The following C12orf56 variants were observed in gnomAD, a reference collection of about 807,000 sequenced individuals.
The protein encoded by C12orf56 is chromosome 12 open reading frame 56.
A neutral mutation model predicts 69.9 loss-of-function variants in C12orf56; 71 were observed. The ratio of observed to expected loss-of-function variants is 1.02; its 90% confidence interval spans 0.84 to 1.24. The LOEUF is 1.24. Among genes scored for constraint, C12orf56 ranks in the 50% most tolerant of loss-of-function variants. The pLI, the probability that C12orf56 is intolerant of heterozygous loss-of-function variation, is 0.00. For missense variants in C12orf56, 732 were observed against 738.5 expected, an observed-to-expected ratio of 0.99 and a Z score of 0.10; for synonymous variants, 276 against 274.1, an observed-to-expected ratio of 1.01 and a Z score of -0.07.
chr12:64,298,613 C>T (rs1592430806), intron 6 of C12orf56, among the ~76,000 whole-genome samples: 1 of 152,146 alleles, frequency 6.6e-6, no homozygotes, highest in Non-Finnish European at 1.5e-5. Context: ...AGCCAGTTTT[C>T]CCAGCACCAT....
chr12:64,378,053 A>T lies in C12orf56; in HGVS notation c.252+12261T>A, dbSNP rs558726800. Among the ~76,000 whole-genome samples, 8 of 152,352 alleles carry T rather than the reference A, an allele frequency of 5.3e-5. No individual in the cohort carries two copies. The East Asian group carries it at 1.2e-3, about 22-fold the overall frequency. On this transcript the variant is annotated intron_variant, in intron 1 of 12. Coordinates refer to ENST00000543942, the MANE Select transcript of C12orf56 (RefSeq NM_001170633.2). Reference sequence around the variant, plus strand: ...AGCTAAGAATATTATCTGAGTTGTTATGAGGATGAAGTTCCAAGCTAAGCA... The same window carrying T: ...AGCTAAGAATATTATCTGAGTTGTTTTGAGGATGAAGTTCCAAGCTAAGCA...
intron 12 of C12orf56, 61 bp from the exon 13 acceptor site, chr12:64,267,349 C>A: frequency 7.9e-7 from 1 of 1,261,614 alleles, no homozygotes; most frequent in South Asian, 1.3e-5. Context: ...TCACATTGGT[C>A]ACTTGAGTAC....
chr12:64,267,279 AATAAAGTACCT>A lies in C12orf56; in HGVS notation c.1764-2_1772del. Reference sequence around the variant, plus strand: ...GCCTTTTCTGCAAGGCTGGCATGTGAATAAAGTACCTGCAAATCATAAAAAGAAACAAAATA... The same window carrying A: ...GCCTTTTCTGCAAGGCTGGCATGTGAGCAAATCATAAAAAGAAACAAAATA... On this transcript the variant is annotated splice_acceptor_variant and coding_sequence_variant, in exon 13 of 13. Transcript: ENST00000543942. LOFTEE classifies it high-confidence loss of function. 1 of 1,608,118 alleles carries A rather than the reference AATAAAGTACCT, an allele frequency of 6.2e-7. No individual in the cohort carries two copies. Among genetic ancestry groups the A allele is most frequent in the South Asian group, 1.1e-5 (1 of 89,470 alleles).
At chr12:64,274,622 A>C (rs912407218) in intron 11 of C12orf56, among the ~76,000 whole-genome samples, 1 of 152,236 alleles carries the variant, frequency 6.6e-6, no homozygotes, top group Non-Finnish European at 1.5e-5. Flanking sequence ...TTACCTAATT[A>C]TACAGCTAAT....
At chr12:64,351,915 G>C (rs900937473) in intron 2 of C12orf56, among the ~76,000 whole-genome samples, 2 of 149,850 alleles carry the variant, frequency 1.3e-5, no homozygotes, top group African/African-American at 4.9e-5. Context: ...CTCTGTCCTC[G>C]CTTCACAGAT....
chr12:64,307,275 T>C (rs1002661128), intron 5 of C12orf56, among the ~76,000 whole-genome samples: 3 of 152,094 alleles, frequency 2.0e-5, no homozygotes, highest in African/African-American at 4.8e-5. Context: ...TACCTCAGAA[T>C]GTATCTCTAA....
intron 5 of C12orf56, among the ~76,000 whole-genome samples, chr12:64,308,927 AGAAAGAAAGAAAGAAGAAAGAAAGAAAG>A (rs2038559188): frequency 1.5e-5 from 1 of 68,624 alleles, no homozygotes; most frequent in Admixed American, 1.7e-4. Context: ...AAAGAAAGAA[AGAAAGAAAGAAAGAAGAAAGAAAGAAAG>A]AAAGAAAGAA....
intron 8 of C12orf56, among the ~76,000 whole-genome samples, chr12:64,278,590 T>G (rs1288826753): frequency 6.6e-6 from 1 of 152,238 alleles, no homozygotes; most frequent in Non-Finnish European, 1.5e-5. Context: ...CTCACATGCT[T>G]ATTTTTATAT....
At chr12:64,325,372 A>AGAAGAAGAAGAAG (rs1555189853) in intron 3 of C12orf56, among the ~76,000 whole-genome samples, 1 of 141,394 alleles carries the variant, frequency 7.1e-6, no homozygotes, top group Non-Finnish European at 1.5e-5. Context: ...AAAAAAAAAA[A>AGAAGAAGAAGAAG]AAGAAGAAGA....
intron 2 of C12orf56, among the ~76,000 whole-genome samples, chr12:64,340,342 A>G (rs2039059060): frequency 6.6e-6 from 1 of 152,114 alleles, no homozygotes; most frequent in African/African-American, 2.4e-5. Flanking sequence ...ACACCCTCAC[A>G]GATACACCCA....
chr12:64,286,187 C>T, intron 6 of C12orf56, 127 bp from the exon 7 acceptor site: 1 of 632,658 alleles, frequency 1.6e-6, no homozygotes, highest in Non-Finnish European at 2.7e-6. Context: ...TACAATATCT[C>T]CCACTGATAC....
At chr12:64,331,248 C>A (rs1592460524) in intron 2 of C12orf56, among the ~76,000 whole-genome samples, 1 of 152,122 alleles carries the variant, frequency 6.6e-6, no homozygotes, top group Admixed American at 6.6e-5. Flanking sequence ...CACCTGTAAT[C>A]CCAACATTTT....
intron 6 of C12orf56, among the ~76,000 whole-genome samples, chr12:64,287,326 G>A (rs1280863502): frequency 6.6e-6 from 1 of 150,592 alleles, no homozygotes; most frequent in Non-Finnish European, 1.5e-5. Context: ...TGATAAATTA[G>A]CATAGTGTGG....
chr12:64,350,768 C>T (rs1428765799), intron 2 of C12orf56, among the ~76,000 whole-genome samples: 1 of 152,200 alleles, frequency 6.6e-6, no homozygotes, highest in African/African-American at 2.4e-5. Flanking sequence ...AGAGTTTCAT[C>T]AAAACCAATC....
intron 1 of C12orf56, among the ~76,000 whole-genome samples, chr12:64,369,765 A>G (rs112481936): frequency 0.18 from 27,050 of 151,470 alleles, 2,973 homozygotes; most frequent in East Asian, 0.37. Flanking sequence ...GGTGGATCAG[A>G]AGGTCAAGAG....
At chr12:64,319,748 CA>C (rs1414227774) in intron 3 of C12orf56, among the ~76,000 whole-genome samples, 1 of 152,164 alleles carries the variant, frequency 6.6e-6, no homozygotes, top group East Asian at 1.9e-4. Flanking sequence ...TAGGCAAAAA[CA>C]GGAGGTAAAG....
Position 64,303,691 on chromosome 12 carries a change from T to A in C12orf56, c.1057A>T (p.Met353Leu), listed in dbSNP as rs762312291. 6.3e-7 allele frequency: 1 copy of A among 1,577,424 alleles called. No homozygotes were observed. The highest frequency in any genetic ancestry group is 8.6e-7 in the Non-Finnish European group (1 of 1,161,636). ...NSLRRILSLLMELKVAAQKNF... is the reference protein window; with the variant it reads ...NSLRRILSLLLELKVAAQKNF... ...TTCTGGGCTGCTACTTTAAGTTCCA[T>A]AAGTAAAGAAAGTATCCTCCTCAAA... is the stretch of plus-strand genomic sequence containing the variant. The change falls in exon 6 of 13, where the codon ATG (methionine) becomes TTG (leucine). Residue 353 changes from methionine to leucine, a missense_variant. Transcript: ENST00000543942.
chr12:64,304,395 T>A (rs2038485164), intron 5 of C12orf56, among the ~76,000 whole-genome samples: 1 of 152,172 alleles, frequency 6.6e-6, no homozygotes, highest in Admixed American at 6.5e-5. Context: ...TCATGCCATG[T>A]CAGAGTACCA....
chr12:64,360,339 C>T (rs752476546), intron 1 of C12orf56, among the ~76,000 whole-genome samples: 8 of 152,142 alleles, frequency 5.3e-5, no homozygotes, highest in South Asian at 2.1e-4. Context: ...GCAGGAGAAT[C>T]GCTTGAACCC....
Sources: gnomAD v4.1 joint callset for allele counts (sites outside exome capture counted in the v4.1 genomes callset) on GRCh38, gnomAD v4.1.1 for gene constraint, MANE v1.5 for transcripts, NCBI Gene and HGNC (gene_info 2026-07-23, HGNC 2026-07-21) for gene names.